LYSMD2: variants seen among roughly 807,000 people sequenced by gnomAD.
LYSMD2 encodes the protein LysM domain containing 2.
A neutral mutation model predicts 17.7 loss-of-function variants in LYSMD2; 6 were observed. That is an observed-to-expected ratio of 0.34 (90% confidence interval 0.19 to 0.67). The LOEUF (loss-of-function observed/expected upper bound fraction) is 0.67. Among genes scored for constraint, LYSMD2 ranks in the 30% least tolerant of loss-of-function variants. The pLI is 0.69. For synonymous variants in LYSMD2, 102 were observed against 129.8 expected (o/e 0.79, Z 1.45); for missense variants, 237 against 286.7 (o/e 0.83, Z 1.25).
At chr15:51,732,567 A>T (rs1195080510) in intron 1 of LYSMD2, among the ~76,000 whole-genome samples, 1 of 152,208 alleles carries the variant, frequency 6.6e-6, no homozygotes, top group Non-Finnish European at 1.5e-5. Flanking sequence ...ATGGCTAAAA[A>T]GGTGATGGTA....
upstream of LYSMD2, among the ~76,000 whole-genome samples, chr15:51,738,334 T>A (rs980181351): frequency 1.3e-5 from 2 of 152,156 alleles, no homozygotes; most frequent in Admixed American, 1.3e-4. Context: ...GGTTTCACAC[T>A]TTGTACACTA....
chr15:51,729,424 C>T (rs1177677336), intron 1 of LYSMD2, among the ~76,000 whole-genome samples: 1 of 152,158 alleles, frequency 6.6e-6, no homozygotes, highest in Admixed American at 6.5e-5. Context: ...AATGGTGAAA[C>T]GATGTTTTCT....
At chr15:51,736,755 T>TCACCTA (rs77507636) in intron 1 of LYSMD2, among the ~76,000 whole-genome samples, 72,739 of 151,574 alleles carry the variant, frequency 0.48, 17,670 homozygotes, top group Admixed American at 0.55. Flanking sequence ...GCCCTCCAGC[T>TCACCTA]CACCACAGTT....
chr15:51,731,828 G>A (rs139723643), intron 1 of LYSMD2, among the ~76,000 whole-genome samples: 145 of 152,260 alleles, frequency 9.5e-4, no homozygotes, highest in East Asian at 8.1e-3. Context: ...ACTGAGAGGA[G>A]CCAGGATCAC....
Position 51,723,510 on chromosome 15 carries a change from T to C in LYSMD2, c.*97A>G, listed in dbSNP as rs2055516123. 2 of 979,040 alleles carry C rather than the reference T, an allele frequency of 2.0e-6. No individual in the cohort carries two copies. Among genetic ancestry groups the C allele is most frequent in the Non-Finnish European group, 1.6e-6 (1 of 607,946 alleles). The allele number at this position is 979,040 out of a possible 1,614,324, so 60.6% of individuals were successfully genotyped here. The stretch of plus-strand genomic sequence containing the variant: ...AGTTATGATTTTAAGATGGACACTA[T>C]AGGAATCCAGAAGGGATGTTTTTGA... On this transcript the variant is annotated 3_prime_UTR_variant, in exon 3 of 3. Transcript: ENST00000267838.
chr15:51,745,391 A>C (rs2055662262), intron 1 of LYSMD2, among the ~76,000 whole-genome samples: 1 of 152,216 alleles, frequency 6.6e-6, no homozygotes, highest in African/African-American at 2.4e-5. Context: ...ATGTAGAAAG[A>C]TTATATACCA....
chr15:51,728,596 A>G (rs2055555918), intron 1 of LYSMD2, among the ~76,000 whole-genome samples: 1 of 151,740 alleles, frequency 6.6e-6, no homozygotes, highest in Non-Finnish European at 1.5e-5. Flanking sequence ...TCAGCGGGAC[A>G]CTGTGGCTCA....
rs925711389 is a variant in LYSMD2, at chr15:51,751,434, C to G, written c.-164G>C. 5.9e-6 allele frequency: 4 copies of G among 683,618 alleles called. No homozygotes were observed. In the African/African-American group the frequency reaches 7.0e-5, roughly 12 times the overall value. 42.3% of individuals were successfully genotyped at this position (683,618 alleles called of 1,614,324 possible). On this transcript the variant is annotated 5_prime_UTR_variant, in exon 1 of 3. Coordinates refer to the LYSMD2 transcript ENST00000454181. ...CCCAGGTGCTTCCTCCCCTGCAGAGCTGTGGCGGGGTTCAGACCCCGATTC... is the reference window on the plus strand; with the variant it reads ...CCCAGGTGCTTCCTCCCCTGCAGAGGTGTGGCGGGGTTCAGACCCCGATTC...
In LYSMD2 at chr15:51,737,336, C is replaced by A; in HGVS notation, c.273+14G>T. On this transcript the variant is annotated intron_variant, in intron 1 of 2. Transcript: ENST00000267838. This position sits in a 1 kb window ranked among gnomAD's most constrained non-coding sequence, Gnocchi z 4.2. ...TAGCTGCCAGCCCGGGCCGCGGCGG[C>A]GCGCCCTGCTCACCGTGACACCGTA... 1 of 1,328,784 alleles carries A rather than the reference C, an allele frequency of 7.5e-7. No individual in the cohort carries two copies. The highest frequency in any genetic ancestry group is 3.7e-5 in the Admixed American group (1 of 27,388). 82.3% of individuals were successfully genotyped at this position (1,328,784 alleles called of 1,614,324 possible).
chr15:51,745,441 T>A (rs2055662547), intron 1 of LYSMD2, among the ~76,000 whole-genome samples: 1 of 152,186 alleles, frequency 6.6e-6, no homozygotes, highest in Non-Finnish European at 1.5e-5. Flanking sequence ...ATGGTAAATT[T>A]AACACCTGAA....
intron 1 of LYSMD2, among the ~76,000 whole-genome samples, chr15:51,733,882 C>T (rs573962516): frequency 4.6e-4 from 70 of 152,214 alleles, no homozygotes; most frequent in Non-Finnish European, 8.4e-4. Context: ...AGCAGCCATG[C>T]TTGTTAAAAA....
chr15:51,749,047 A>C (rs565307381), intron 1 of LYSMD2, among the ~76,000 whole-genome samples: 21 of 152,234 alleles, frequency 1.4e-4, no homozygotes, highest in African/African-American at 4.6e-4. Flanking sequence ...GCTACACAAA[A>C]TGATATGTAA....
At chr15:51,740,860 G>A (rs147242204), upstream of LYSMD2, among the ~76,000 whole-genome samples, 8 of 152,194 alleles carry the variant, frequency 5.3e-5, no homozygotes, top group Non-Finnish European at 1.0e-4. Context: ...GTATTGTATG[G>A]AAAATATAAA....
intron 1 of LYSMD2, among the ~76,000 whole-genome samples, chr15:51,735,270 G>A (rs780801083): frequency 6.6e-6 from 1 of 152,150 alleles, no homozygotes; most frequent in Non-Finnish European, 1.5e-5. Flanking sequence ...ACCAGTGGAG[G>A]AGTCTCTAAA....
chr15:51,737,477 G>A lies in LYSMD2; in HGVS notation c.146C>T (p.Thr49Ile). ...GCTGGCGGTGCTGCCGTACGAGCGGGTCTTGGTGCGGGCCAGGCTCAGCGA... is the reference window on the plus strand; with the variant it reads ...GCTGGCGGTGCTGCCGTACGAGCGGATCTTGGTGCGGGCCAGGCTCAGCGA... Reference protein sequence around the residue: ...ELSLSLARTKTRSYGSTASVR... With the variant: ...ELSLSLARTKIRSYGSTASVR... The change falls in exon 1 of 3, where the codon ACC becomes ATC. Residue 49 changes from threonine (T) to isoleucine (I), a missense_variant. Transcript: ENST00000267838. This position sits in a 1 kb window ranked among gnomAD's most constrained non-coding sequence, Gnocchi z 4.2. 2.8e-6 allele frequency: 4 copies of A among 1,417,024 alleles called. No homozygotes were observed. The highest frequency in any genetic ancestry group is 3.7e-6 in the Non-Finnish European group (4 of 1,087,788). 87.8% of individuals were successfully genotyped at this position (1,417,024 alleles called of 1,614,324 possible). A position where few individuals can be genotyped will look rare whatever the true frequency, so the allele number is the denominator to read the frequency against.
intron 1 of LYSMD2, among the ~76,000 whole-genome samples, chr15:51,743,731 G>C (rs573623250): frequency 1.3e-5 from 2 of 152,128 alleles, no homozygotes; most frequent in Non-Finnish European, 2.9e-5. Context: ...TAGCAATATT[G>C]AGCCTTCCTA....
chr15:51,728,621 G>A (rs987146217), intron 1 of LYSMD2, among the ~76,000 whole-genome samples: 2 of 152,044 alleles, frequency 1.3e-5, no homozygotes, highest in African/African-American at 4.8e-5. Flanking sequence ...TGTAATCCCA[G>A]CACTTTGGGA....
intron 1 of LYSMD2, among the ~76,000 whole-genome samples, chr15:51,743,822 A>G (rs887724948): frequency 3.3e-5 from 5 of 152,084 alleles, no homozygotes; most frequent in African/African-American, 9.7e-5. Flanking sequence ...CTTCACATAG[A>G]TATTGTATGT....
Position 51,748,261 on chromosome 15 carries a change from CAAAAAAAAAAA to C in LYSMD2, c.-1+2999_-1+3009del, listed in dbSNP as rs10556304. On this transcript the variant is annotated intron_variant, in intron 1 of 2. Transcript: ENST00000454181. Reference sequence around the variant, plus strand: ...CTGGTGACAGAACAAGACTCCGTCTCAAAAAAAAAAAAAAAAAAAAAAAAAAAGATGAAGAA... The same window carrying C: ...CTGGTGACAGAACAAGACTCCGTCTCAAAAAAAAAAAAAAAAGATGAAGAA... Among the ~76,000 whole-genome samples, 61 of 60,228 alleles carry C rather than the reference CAAAAAAAAAAA, an allele frequency of 1.0e-3. 1 individual carries two copies. The highest frequency in any genetic ancestry group is 3.0e-3 in the African/African-American group (48 of 15,820). The allele number at this position is 60,228 out of a possible 152,430, so 39.5% of individuals were successfully genotyped here. A position where few individuals can be genotyped will look rare whatever the true frequency, so the allele number is the denominator to read the frequency against.
Sources: gnomAD v4.1 joint callset for allele counts (sites outside exome capture counted in the v4.1 genomes callset) on GRCh38, gnomAD v4.1.1 for gene constraint, Gnocchi (gnomAD v3.1) non-coding constraint, MANE v1.5 for transcripts, NCBI Gene and HGNC (gene_info 2026-07-23, HGNC 2026-07-21) for gene names.